Variants in EFHC2 observed in about 807,000 individuals in gnomAD.
EFHC2 encodes EF-hand domain containing 2, also known as EF-hand domain-containing family member C2.
EFHC2 carries 18 observed loss-of-function variants against 52.7 expected under a neutral mutation model. The ratio of observed to expected loss-of-function variants is 0.34; its 90% CI spans 0.24 to 0.51. The LOEUF (loss-of-function observed/expected upper bound fraction) is 0.51. Ranked by LOEUF, EFHC2 falls within the 20% of genes least tolerant of loss-of-function variation. EFHC2 has a pLI of 0.97. For missense variants in EFHC2, 513 were observed against 562.5 expected (o/e 0.91, Z 0.89); for synonymous variants, 203 against 204.1 (o/e 0.99, Z 0.04).
rs188681296 is a variant in EFHC2, at chrX:44,321,016, A to G, written c.43-8260T>C. ...AAGGATCGCTCTGGCCACAATACAA[A>G]GAACTGGGGATATTGCAATAGTCCA... is the stretch of plus-strand genomic sequence containing the variant. On this transcript the variant is annotated intron_variant, in intron 1 of 14. Transcript: ENST00000420999. Among the ~76,000 whole-genome samples the G allele has an allele frequency of 2.7e-5, 3 of 111,995 alleles. No individual in the cohort carries two copies. The East Asian group carries it at 8.4e-4, about 32-fold the overall frequency.
chrX:44,288,937 A>G (rs1464193653), intron 2 of EFHC2, among the ~76,000 whole-genome samples: 1 of 112,191 alleles, frequency 8.9e-6, no homozygotes, highest in Non-Finnish European at 1.9e-5. Context: ...ACACACTATA[A>G]AAATACAAAC....
intron 11 of EFHC2, among the ~76,000 whole-genome samples, chrX:44,211,396 T>C (rs960882072): frequency 3.6e-5 from 4 of 109,772 alleles, no homozygotes; most frequent in African/African-American, 9.9e-5. Context: ...GGCGTGGTGG[T>C]GTGCACCTGT....
chrX:44,279,577 C>T (rs1183834942), intron 2 of EFHC2, among the ~76,000 whole-genome samples: 4 of 110,017 alleles, frequency 3.6e-5, no homozygotes, highest in South Asian at 3.8e-4. Flanking sequence ...AGATATAAAC[C>T]ATAAGATAAA....
intron 2 of EFHC2, among the ~76,000 whole-genome samples, chrX:44,301,330 C>A (rs932024909): frequency 4.6e-5 from 5 of 109,415 alleles, no homozygotes; most frequent in Admixed American, 3.9e-4. Flanking sequence ...CACTCCCCCC[C>A]CGACCAAATT....
chrX:44,216,941 A>C (rs1349184065), intron 11 of EFHC2, among the ~76,000 whole-genome samples: 2 of 111,772 alleles, frequency 1.8e-5, no homozygotes, highest in Non-Finnish European at 3.8e-5. Context: ...AAGCCACAGA[A>C]TGGGAGAAAA....
At chrX:44,277,286 A>G (rs1448085050) in intron 2 of EFHC2, among the ~76,000 whole-genome samples, 21 of 106,172 alleles carry the variant, frequency 2.0e-4, no homozygotes, top group Non-Finnish European at 3.5e-4. Flanking sequence ...AAAAAATCTT[A>G]CAGCTGAATT....
intron 13 of EFHC2, among the ~76,000 whole-genome samples, chrX:44,170,691 TA>T (rs555233418): frequency 1.6e-3 from 153 of 97,952 alleles, no homozygotes; most frequent in African/African-American, 1.6e-3. Flanking sequence ...GTGCTTTCCA[TA>T]AAAAAAAAAA....
At chrX:44,213,008 C>A (rs2037112263) in intron 11 of EFHC2, among the ~76,000 whole-genome samples, 1 of 109,273 alleles carries the variant, frequency 9.2e-6, no homozygotes, top group Non-Finnish European at 1.9e-5. Flanking sequence ...AGCCACTGTG[C>A]CTGGCCCACA....
At chrX:44,195,899 TG>T (rs1413611759) in intron 11 of EFHC2, among the ~76,000 whole-genome samples, 1 of 111,307 alleles carries the variant, frequency 9.0e-6, no homozygotes, top group Non-Finnish European at 1.9e-5. Context: ...TTTTGTGTTT[TG>T]GGTTTTGTTT....
chrX:44,278,493 G>A (rs994264524), intron 2 of EFHC2, among the ~76,000 whole-genome samples: 1 of 111,924 alleles, frequency 8.9e-6, no homozygotes, highest in African/African-American at 3.2e-5. Context: ...ATGCTACCTC[G>A]GCAAATATGC....
At chrX:44,341,526 G>A (rs2038151685) in intron 1 of EFHC2, among the ~76,000 whole-genome samples, 1 of 112,183 alleles carries the variant, frequency 8.9e-6, no homozygotes, top group Non-Finnish European at 1.9e-5. Flanking sequence ...ATGGCTCACT[G>A]CAGCCTCGAC....
At chrX:44,254,850 A>T (rs1234299837) in intron 4 of EFHC2, among the ~76,000 whole-genome samples, 6 of 111,992 alleles carry the variant, frequency 5.4e-5, no homozygotes, top group Non-Finnish European at 7.5e-5. Flanking sequence ...AATGAAGGAA[A>T]AAGTGTCAAG....
At chrX:44,270,052 T>C (rs994443532) in intron 3 of EFHC2, among the ~76,000 whole-genome samples, 3 of 111,712 alleles carry the variant, frequency 2.7e-5, no homozygotes, top group Non-Finnish European at 5.6e-5. Flanking sequence ...ATTTCTAGCC[T>C]GAACAATTGC....
intron 11 of EFHC2, among the ~76,000 whole-genome samples, chrX:44,223,955 T>G (rs758356947): frequency 1.8e-5 from 2 of 111,783 alleles, no homozygotes; most frequent in Non-Finnish European, 3.8e-5. Flanking sequence ...AAAGGAGAGA[T>G]AATTGTCCTA....
chrX:44,192,057 T>A (rs1253272613), intron 11 of EFHC2, among the ~76,000 whole-genome samples: 1 of 88,973 alleles, frequency 1.1e-5, no homozygotes, highest in African/African-American at 4.7e-5. Context: ...AATTCACATA[T>A]GTAAGTGTGT....
At chrX:44,260,419 CTGG>C (rs2037529592) in intron 4 of EFHC2, among the ~76,000 whole-genome samples, 1 of 111,415 alleles carries the variant, frequency 9.0e-6, no homozygotes, top group Admixed American at 9.5e-5. Flanking sequence ...TCAAATTCTT[CTGG>C]AAAACAAAAT....
At chrX:44,342,875 C>CAA (rs377220378) in intron 1 of EFHC2, among the ~76,000 whole-genome samples, 7 of 57,383 alleles carry the variant, frequency 1.2e-4, no homozygotes, top group Admixed American at 2.1e-4. Flanking sequence ...GACTCCGTCT[C>CAA]AAAAAAAAAA....
At chrX:44,220,975 TTCACCTGGAG>T (rs780957558) in intron 11 of EFHC2, among the ~76,000 whole-genome samples, 4 of 112,128 alleles carry the variant, frequency 3.6e-5, no homozygotes, top group African/African-American at 1.3e-4. Flanking sequence ...ACCACACATG[TTCACCTGGAG>T]TCAGTTATAT....
intron 13 of EFHC2, among the ~76,000 whole-genome samples, chrX:44,176,083 AAAT>A (rs1315654802): frequency 8.9e-6 from 1 of 112,661 alleles, no homozygotes; most frequent in East Asian, 2.8e-4. Context: ...TAAAAAGATA[AAAT>A]AATAATTTGT....
Sources: gnomAD v4.1 joint callset for allele counts (sites outside exome capture counted in the v4.1 genomes callset) on GRCh38, gnomAD v4.1.1 for gene constraint, MANE v1.5 for transcripts, NCBI Gene and HGNC (gene_info 2026-07-23, HGNC 2026-07-21) for gene names.